MAN1A1: variants seen among roughly 807,000 people sequenced by gnomAD.
The protein encoded by MAN1A1 is mannosyl-oligosaccharide 1,2-alpha-mannosidase IA.
Under a neutral mutation model 70.8 loss-of-function variants are expected in MAN1A1, and 29 were observed. The observed-to-expected ratio is 0.41, with a 90% CI of 0.31 to 0.56. The LOEUF (loss-of-function observed/expected upper bound fraction) is 0.56. MAN1A1 is among the 20% of genes least tolerant of loss of function. The probability of loss-of-function intolerance (pLI) is 0.29; values close to 1 mark genes in which losing one functional copy is unlikely to be tolerated. For synonymous variants in MAN1A1, 349 were observed against 330.1 expected (o/e 1.06, Z -0.62); for missense variants, 747 against 841.3 (o/e 0.89, Z 1.39).
Position 119,243,995 on chromosome 6 carries a change from T to A in MAN1A1, c.992+4265A>T, listed in dbSNP as rs149032290. ...TGATAAAATAGTGTATAGCTAAAACTAACTCATTTATCAAGAAAGACAGAA... is the reference window on the plus strand; with the variant it reads ...TGATAAAATAGTGTATAGCTAAAACAAACTCATTTATCAAGAAAGACAGAA... On this transcript the variant is annotated intron_variant, in intron 6 of 12. Coordinates refer to ENST00000368468, the MANE Select transcript of MAN1A1 (RefSeq NM_005907.4). Among the ~76,000 whole-genome samples, 919 of 152,112 alleles carry A rather than the reference T, an allele frequency of 6.0e-3. 7 individuals carry two copies. The highest frequency in any genetic ancestry group is 0.021 in the African/African-American group (871 of 41,526).
At chr6:119,226,975 C>T (rs1194770962) in intron 6 of MAN1A1, among the ~76,000 whole-genome samples, 1 of 152,018 alleles carries the variant, frequency 6.6e-6, no homozygotes, top group African/African-American at 2.4e-5. Flanking sequence ...CCGGCCTGAA[C>T]GTGAATTTTC....
rs773122005 is a variant in MAN1A1, at chr6:119,290,654, T to G, written c.897+29A>C. The G allele has an allele frequency of 9.9e-6, 15 of 1,519,368 alleles. No homozygotes were observed. In the South Asian group the frequency reaches 1.8e-4, roughly 18 times the overall value. The allele number at this position is 1,519,368 out of a possible 1,614,324, so 94.1% of individuals were successfully genotyped here. ...AATGTAGTTTAAGACACTTTATAAT[T>G]CACATTTATATACCACTTTTCATCT... On this transcript the variant is annotated intron_variant, in intron 5 of 12. Coordinates refer to ENST00000368468, the MANE Select transcript of MAN1A1 (RefSeq NM_005907.4).
At chr6:119,202,078 CAAT>C (rs1005370792) in intron 7 of MAN1A1, among the ~76,000 whole-genome samples, 1 of 152,002 alleles carries the variant, frequency 6.6e-6, no homozygotes, top group Non-Finnish European at 1.5e-5. Flanking sequence ...ATTTTTCTTT[CAAT>C]AATAAATTAA....
At chr6:119,224,228 C>T (rs1256726263) in intron 6 of MAN1A1, among the ~76,000 whole-genome samples, 2 of 152,160 alleles carry the variant, frequency 1.3e-5, no homozygotes, top group Non-Finnish European at 2.9e-5. Context: ...GGATAGCTAC[C>T]TTTGAAAGAA....
intron 6 of MAN1A1, among the ~76,000 whole-genome samples, chr6:119,231,947 T>TTA (rs1342893115): frequency 6.6e-6 from 1 of 152,212 alleles, no homozygotes; most frequent in East Asian, 1.9e-4. Context: ...AACTTTACAT[T>TTA]TATTTTTTAT....
chr6:119,239,080 C>G lies in MAN1A1; in HGVS notation c.992+9180G>C, dbSNP rs542441588. 7.2e-5 allele frequency among the ~76,000 whole-genome samples: 11 copies of G among 152,024 alleles called. No homozygotes were observed. In the East Asian group the frequency reaches 1.9e-3, roughly 27 times the overall value. On this transcript the variant is annotated intron_variant, in intron 6 of 12. Coordinates refer to ENST00000368468, the MANE Select transcript of MAN1A1 (RefSeq NM_005907.4). ...TAATTTTTTATATTTTTAGTAGAGA[C>G]GGGGTTTCACCGTGGTCTCGATCTC...
At chr6:119,328,190 A>G (rs113441219) in intron 2 of MAN1A1, among the ~76,000 whole-genome samples, 15 of 152,364 alleles carry the variant, frequency 9.8e-5, no homozygotes, top group African/African-American at 3.4e-4. Flanking sequence ...ATGCCCAAGA[A>G]GAACAGTAAG....
At chr6:119,249,844 C>T (rs537089670) in intron 5 of MAN1A1, among the ~76,000 whole-genome samples, 31 of 152,192 alleles carry the variant, frequency 2.0e-4, no homozygotes, top group African/African-American at 7.2e-4. Context: ...TTTCCTCATG[C>T]ATACCACAGA....
chr6:119,194,074 AATGT>A (rs1164972841), intron 8 of MAN1A1, among the ~76,000 whole-genome samples, 182 bp from the exon 9 acceptor site: 1 of 152,230 alleles, frequency 6.6e-6, no homozygotes, highest in African/African-American at 2.4e-5. Context: ...GCTATTAACT[AATGT>A]AACATACTCT....
At chr6:119,295,800 C>T (rs189059278) in intron 4 of MAN1A1, among the ~76,000 whole-genome samples, 1 of 152,240 alleles carries the variant, frequency 6.6e-6, no homozygotes, top group East Asian at 1.9e-4. Flanking sequence ...TATTATCATA[C>T]ATGAGAATCA....
chr6:119,331,723 G>C (rs575417522), intron 2 of MAN1A1, among the ~76,000 whole-genome samples: 1 of 152,124 alleles, frequency 6.6e-6, no homozygotes, highest in East Asian at 1.9e-4. Context: ...CAGAATTAAA[G>C]CATGTTGTCT....
At position 119,349,246 on chromosome 6, in the gene MAN1A1, T is replaced by C. The variant is rs1773836307; in HGVS notation, c.-181A>G. On this transcript the variant is annotated 5_prime_UTR_variant, in exon 2 of 13. Coordinates refer to ENST00000368468, the MANE Select transcript of MAN1A1 (RefSeq NM_005907.4). ...CGGGTCTTCTCCCCGGGGCGGCTCCTCGGGCACACAGGCACGCGCGACAGA... is the reference window on the plus strand; with the variant it reads ...CGGGTCTTCTCCCCGGGGCGGCTCCCCGGGCACACAGGCACGCGCGACAGA... The C allele has an allele frequency of 8.2e-7, 1 of 1,213,644 alleles. No individual in the cohort carries two copies. The highest frequency in any genetic ancestry group is 1.0e-6 in the Non-Finnish European group (1 of 977,022). The allele number at this position is 1,213,644 out of a possible 1,614,324, so 75.2% of individuals were successfully genotyped here.
intron 5 of MAN1A1, among the ~76,000 whole-genome samples, chr6:119,259,591 A>T (rs1775551898): frequency 6.6e-6 from 1 of 152,172 alleles, no homozygotes; most frequent in Non-Finnish European, 1.5e-5. Flanking sequence ...TATATTATAC[A>T]CTGATACCTT....
At chr6:119,189,969 T>A (rs1012353328) in intron 9 of MAN1A1, 86 bp from the exon 10 acceptor site, 3 of 1,013,190 alleles carry the variant, frequency 3.0e-6, no homozygotes, top group African/African-American at 1.6e-5. Flanking sequence ...AAAAAAAGAA[T>A]AGAATACACC....
intron 5 of MAN1A1, among the ~76,000 whole-genome samples, chr6:119,286,335 T>C (rs1776373580): frequency 6.6e-6 from 1 of 152,160 alleles, no homozygotes; most frequent in Non-Finnish European, 1.5e-5. Flanking sequence ...GTCTTAACCC[T>C]ATTATGAAAA....
At chr6:119,291,423 C>T (rs1289475106) in intron 4 of MAN1A1, among the ~76,000 whole-genome samples, 1 of 151,952 alleles carries the variant, frequency 6.6e-6, no homozygotes, top group Non-Finnish European at 1.5e-5. Flanking sequence ...GACTCCTAAA[C>T]AAAATTACAA....
intron 8 of MAN1A1, among the ~76,000 whole-genome samples, chr6:119,200,477 A>G (rs1270475744): frequency 6.6e-6 from 1 of 152,226 alleles, no homozygotes; most frequent in Non-Finnish European, 1.5e-5. Context: ...GGTATCTAAG[A>G]ACATGATATT....
rs1033805155 is a variant in MAN1A1, at chr6:119,288,505, A to G, written c.897+2178T>C. Among the ~76,000 whole-genome samples the G allele has an allele frequency of 2.0e-5, 3 of 151,940 alleles. No homozygotes were observed. The East Asian group carries it at 5.8e-4, about 29-fold the overall frequency. On this transcript the variant is annotated intron_variant, in intron 5 of 12. Transcript: ENST00000368468. ...ATGAATACAAATAGCTCAAGAACAG[A>G]CCTGGGGTAAAAAATTTTCCGGATC...
Position 119,312,035 on chromosome 6 carries a change from T to G in MAN1A1, c.604-5043A>C, listed in dbSNP as rs117008558. The stretch of plus-strand genomic sequence containing the variant: ...TAGAGACCAACAGACAGAGGCCATG[T>G]TTGGCTCACTTATATAACAGTCCGC... On this transcript the variant is annotated intron_variant, in intron 2 of 12. Transcript: ENST00000368468. 6.8e-4 allele frequency among the ~76,000 whole-genome samples: 103 copies of G among 152,244 alleles called. 2 individuals are homozygous for G. The East Asian group carries it at 0.012, about 18-fold the overall frequency.
Sources: allele counts gnomAD v4.1 joint callset (sites outside exome capture counted in the v4.1 genomes callset), GRCh38; gene constraint gnomAD v4.1.1; transcripts MANE v1.5; gene names NCBI Gene and HGNC (gene_info 2026-07-23, HGNC 2026-07-21).